Variants in ARHGAP15 observed in about 807,000 individuals in gnomAD.
The protein encoded by ARHGAP15 is rho GTPase-activating protein 15.
In ARHGAP15, 51 loss-of-function variants were observed where a neutral mutation model predicts 63.7. The ratio of observed to expected loss-of-function variants is 0.80; its 90% CI spans 0.64 to 1.01. ARHGAP15 has a LOEUF of 1.01. Ranked by LOEUF, ARHGAP15 falls within the 50% of genes least tolerant of loss-of-function variation. The pLI is 0.00. For missense variants in ARHGAP15, 560 were observed against 564.6 expected (o/e 0.99, Z 0.08); for synonymous variants, 191 against 193.8 (o/e 0.99, Z 0.12).
chr2:143,423,538 T>C (rs1689018698), intron 6 of ARHGAP15, among the ~76,000 whole-genome samples: 1 of 152,102 alleles, frequency 6.6e-6, no homozygotes, highest in African/African-American at 2.4e-5. Flanking sequence ...ACACTGGATG[T>C]GTACAGTAGT....
At chr2:143,479,457 A>G (rs1305984225) in intron 8 of ARHGAP15, among the ~76,000 whole-genome samples, 3 of 151,938 alleles carry the variant, frequency 2.0e-5, no homozygotes, top group Non-Finnish European at 4.4e-5. Flanking sequence ...TGTATTTAAT[A>G]TACAATCTTT....
intron 6 of ARHGAP15, among the ~76,000 whole-genome samples, chr2:143,272,025 C>T (rs1008660095): frequency 6.6e-5 from 10 of 152,186 alleles, no homozygotes; most frequent in African/African-American, 2.4e-4. Context: ...GAAGAATGAA[C>T]TATGCCTTGT....
intron 5 of ARHGAP15, chr2:143,236,059 C>T: frequency 1.4e-6 from 2 of 1,458,376 alleles, no homozygotes; most frequent in Admixed American, 2.5e-5. Context: ...AGAAGAAGCT[C>T]TGCAATTTAG....
chr2:143,537,564 A>G (rs146620673), intron 10 of ARHGAP15, among the ~76,000 whole-genome samples: 26,730 of 152,184 alleles, frequency 0.18, 2,897 homozygotes, highest in Middle Eastern at 0.28. Context: ...TATAAAGTGT[A>G]AGGAGGGGAT....
At chr2:143,627,892 G>A (rs906202261) in intron 12 of ARHGAP15, among the ~76,000 whole-genome samples, 8 of 151,930 alleles carry the variant, frequency 5.3e-5, no homozygotes, top group Admixed American at 3.9e-4. Flanking sequence ...GGTATACTGC[G>A]TGATGCTGAG....
Position 143,703,468 on chromosome 2 carries a change from A to C in ARHGAP15, c.1188A>C (p.Gln396His). ...TRIEAVKSLV[Q>H]KLPPPNRDTM... ...TTGAAGCTGTAAAATCTCTTGTACA[A>C]AAACTCCCTCCGCCAAATCGTGACA... The change falls in exon 13 of 14, where the codon CAA (glutamine) becomes CAC (histidine). Residue 396 changes from glutamine (Q) to histidine (H), a missense_variant. Coordinates refer to ENST00000295095, the MANE Select transcript of ARHGAP15 (RefSeq NM_018460.4). 1 of 1,612,780 alleles carries C rather than the reference A, an allele frequency of 6.2e-7. No individual in the cohort carries two copies. Among genetic ancestry groups the C allele is most frequent in the Non-Finnish European group, 8.5e-7 (1 of 1,179,454 alleles).
At chr2:143,746,893 T>C (rs1686186228) in intron 13 of ARHGAP15, among the ~76,000 whole-genome samples, 1 of 152,112 alleles carries the variant, frequency 6.6e-6, no homozygotes, top group Non-Finnish European at 1.5e-5. Flanking sequence ...ATAAAAATAG[T>C]AGTAATATAA....
intron 5 of ARHGAP15, among the ~76,000 whole-genome samples, chr2:143,240,918 A>G (rs922742832): frequency 6.6e-6 from 1 of 152,190 alleles, no homozygotes; most frequent in African/African-American, 2.4e-5. Flanking sequence ...ATAATTTTTA[A>G]TAACCACAGA....
At chr2:143,508,084 C>T (rs1367907180) in intron 9 of ARHGAP15, among the ~76,000 whole-genome samples, 1 of 152,032 alleles carries the variant, frequency 6.6e-6, no homozygotes, top group Non-Finnish European at 1.5e-5. Context: ...TTCTTAATAT[C>T]TAATGTGTGT....
intron 6 of ARHGAP15, among the ~76,000 whole-genome samples, chr2:143,401,630 G>C (rs1033283969): frequency 6.6e-6 from 1 of 151,944 alleles, no homozygotes; most frequent in East Asian, 1.9e-4. Flanking sequence ...TTTTTAGAGT[G>C]TTCAATGTTA....
At chr2:143,490,555 T>G (rs1692541432) in intron 9 of ARHGAP15, among the ~76,000 whole-genome samples, 1 of 152,232 alleles carries the variant, frequency 6.6e-6, no homozygotes, top group South Asian at 2.1e-4. Flanking sequence ...TGTGGTTTCA[T>G]TAGCTAGAAC....
intron 2 of ARHGAP15, among the ~76,000 whole-genome samples, chr2:143,160,209 G>T (rs189160091): frequency 5.9e-5 from 9 of 151,958 alleles, no homozygotes; most frequent in African/African-American, 2.2e-4. Flanking sequence ...TTAAATTCTA[G>T]ACACACACAA....
At chr2:143,153,433 A>C (rs1689915094) in intron 1 of ARHGAP15, among the ~76,000 whole-genome samples, 2 of 152,034 alleles carry the variant, frequency 1.3e-5, no homozygotes, top group Admixed American at 1.3e-4. Flanking sequence ...ATTTTGAATA[A>C]TACATTACTC....
intron 10 of ARHGAP15, among the ~76,000 whole-genome samples, chr2:143,543,674 T>C (rs1261474961): frequency 1.3e-5 from 2 of 151,972 alleles, no homozygotes; most frequent in Non-Finnish European, 2.9e-5. Flanking sequence ...TGTATGTGTA[T>C]ATATATGCAA....
chr2:143,638,148 TG>T (rs1216789742), intron 12 of ARHGAP15, among the ~76,000 whole-genome samples: 2 of 147,074 alleles, frequency 1.4e-5, no homozygotes, highest in African/African-American at 4.9e-5. Context: ...ATCCCATTAC[TG>T]GGTATATACC....
At chr2:143,611,702 A>G (rs1698260433) in intron 11 of ARHGAP15, among the ~76,000 whole-genome samples, 1 of 152,122 alleles carries the variant, frequency 6.6e-6, no homozygotes, top group African/African-American at 2.4e-5. Context: ...TCACCAAACA[A>G]AAGTGTCAAT....
chr2:143,615,970 A>G (rs1698437304), intron 11 of ARHGAP15, among the ~76,000 whole-genome samples: 1 of 152,206 alleles, frequency 6.6e-6, no homozygotes, highest in African/African-American at 2.4e-5. Context: ...GCTCTGAGTA[A>G]GAAAGGAATT....
intron 12 of ARHGAP15, among the ~76,000 whole-genome samples, chr2:143,645,362 A>T (rs1174899437): frequency 6.6e-6 from 1 of 152,070 alleles, no homozygotes. Flanking sequence ...TAATCAACTG[A>T]TTAACATGTA....
At chr2:143,312,960 T>C (rs1236207060) in intron 6 of ARHGAP15, among the ~76,000 whole-genome samples, 1 of 152,176 alleles carries the variant, frequency 6.6e-6, no homozygotes, top group Non-Finnish European at 1.5e-5. Flanking sequence ...GTGTTTGAAT[T>C]CTGTCTGTCA....
Sources: allele counts gnomAD v4.1 joint callset (sites outside exome capture counted in the v4.1 genomes callset), GRCh38; gene constraint gnomAD v4.1.1; transcripts MANE v1.5; gene names NCBI Gene and HGNC (gene_info 2026-07-23, HGNC 2026-07-21).